Variants in NADK observed in about 807,000 individuals in gnomAD.
NADK encodes poly(P)/ATP NAD kinase.
NADK carries 22 observed loss-of-function variants against 49.8 expected under a neutral mutation model. The ratio of observed to expected loss-of-function variants is 0.44; its 90% CI spans 0.32 to 0.63. The LOEUF is 0.63. NADK is among the 30% of genes least tolerant of loss of function. The probability of loss-of-function intolerance (pLI) is 0.06; values close to 1 mark genes in which losing one functional copy is unlikely to be tolerated. For synonymous variants in NADK, 268 were observed against 253.7 expected, an observed-to-expected ratio of 1.06 and a Z score of -0.54; for missense variants, 438 against 609.4, an observed-to-expected ratio of 0.72 and a Z score of 2.96.
At position 1,754,598 on chromosome 1, in the gene NADK, G is replaced by C; in HGVS notation, c.789C>G (p.Gly263=). 1 of 1,613,864 alleles carries C rather than the reference G, an allele frequency of 6.2e-7. No homozygotes were observed. The highest frequency in any genetic ancestry group is 8.5e-7 in the Non-Finnish European group (1 of 1,179,920). The change falls in exon 8 of 12, where the codon GGC becomes GGG. Residue 263 remains glycine, a synonymous_variant. Transcript: ENST00000341426. This position sits in a 1 kb window ranked among gnomAD's most constrained non-coding sequence, Gnocchi z 4.3. The part of the protein sequence containing the change: ...TAVHNGLGEN[G]SQAAGLDMDV... Reference sequence around the variant, plus strand: ...CCATGTCCAGGCCTGCAGCCTGCGAGCCGTTCTCACCCAGCCCATTGTGCA... The same window carrying C: ...CCATGTCCAGGCCTGCAGCCTGCGACCCGTTCTCACCCAGCCCATTGTGCA...
intron 1 of NADK, among the ~76,000 whole-genome samples, chr1:1,777,161 G>A (rs973655581): frequency 6.6e-6 from 1 of 152,248 alleles, no homozygotes; most frequent in East Asian, 1.9e-4. Flanking sequence ...TACTGCGGTG[G>A]CACCTGTGAT....
At chr1:1,767,901 G>A (rs1478187512) in intron 1 of NADK, among the ~76,000 whole-genome samples, 16 of 152,108 alleles carry the variant, frequency 1.1e-4, no homozygotes, top group South Asian at 2.1e-4. Context: ...AAATGGGCGC[G>A]GTGGCACACA....
At chr1:1,779,478 A>G (rs1302481110), upstream of NADK, among the ~76,000 whole-genome samples, 1 of 152,120 alleles carries the variant, frequency 6.6e-6, no homozygotes, top group African/African-American at 2.4e-5. Context: ...CCCAGGTGCC[A>G]GACATTGTTT....
At position 1,752,911 on chromosome 1, in the gene NADK, T is replaced by TCCC. The variant is rs2100262269; in HGVS notation, c.1333_1334insGGG (p.Glu444_Glu445insGly). 9.2e-7 allele frequency: 1 copy of TCCC among 1,089,998 alleles called. No homozygotes were observed. Among genetic ancestry groups the TCCC allele is most frequent in the Non-Finnish European group, 1.3e-6 (1 of 797,662 alleles). The allele number at this position is 1,089,998 out of a possible 1,614,324, so 67.5% of individuals were successfully genotyped here. ...CCTGGATAGGGGCTTGACCTAGCCC[T>TCCC]CCTCCTCCTCCTCCTCCTCCTCCTC... On this transcript the variant is annotated inframe_insertion, in exon 12 of 12. Transcript: ENST00000341426.
intron 3 of NADK, among the ~76,000 whole-genome samples, chr1:1,761,165 G>A (rs565752100): frequency 1.3e-5 from 2 of 152,310 alleles, no homozygotes; most frequent in South Asian, 2.1e-4. Flanking sequence ...GCTAATTTTT[G>A]TACTTTTAGT....
At chr1:1,755,737 G>C (rs1255345556) in intron 6 of NADK, among the ~76,000 whole-genome samples, 2 of 152,198 alleles carry the variant, frequency 1.3e-5, no homozygotes, top group Admixed American at 1.3e-4. Context: ...GGAGGGCTGG[G>C]GGAGCTGGCG....
chr1:1,778,707 C>T (rs1309143188), upstream of NADK: 1 of 151,816 alleles, frequency 6.6e-6, no homozygotes, highest in African/African-American at 2.4e-5. This position sits in a 1 kb window ranked among gnomAD's most constrained non-coding sequence, Gnocchi z 4.9. Context: ...GGGGTCGGCG[C>T]CCCGAGGAGG....
At chr1:1,760,714 C>A (rs540986533) in intron 3 of NADK, among the ~76,000 whole-genome samples, 55 of 151,644 alleles carry the variant, frequency 3.6e-4, no homozygotes, top group Non-Finnish European at 6.3e-4. Context: ...AGGAAGAGAG[C>A]CCGTTCTGCA....
intron 1 of NADK, among the ~76,000 whole-genome samples, chr1:1,776,521 A>G (rs901864658): frequency 3.3e-5 from 5 of 152,196 alleles, no homozygotes; most frequent in Admixed American, 6.5e-5. Flanking sequence ...CACACCTGTA[A>G]TCCCAGCACT....
chr1:1,762,893 C>T (rs1031593973), intron 2 of NADK, among the ~76,000 whole-genome samples: 5 of 152,246 alleles, frequency 3.3e-5, no homozygotes, highest in Non-Finnish European at 5.9e-5. Flanking sequence ...CAGCCGCACG[C>T]GTCCTGGGGA....
upstream of NADK, chr1:1,779,963 C>G (rs41315680): frequency 0.021 from 3,125 of 152,376 alleles, 48 homozygotes; most frequent in Non-Finnish European, 0.033. Flanking sequence ...ACGGCCTGGC[C>G]AAGTCTTCCT....
At chr1:1,774,151 ATG>A (rs747946101) in intron 1 of NADK, among the ~76,000 whole-genome samples, 16 of 150,378 alleles carry the variant, frequency 1.1e-4, no homozygotes, top group Non-Finnish European at 1.3e-4. Flanking sequence ...TCACCTATGT[ATG>A]TGTGTGTGTG....
chr1:1,773,693 T>C lies in NADK; in HGVS notation c.-41+4596A>G, dbSNP rs891101510. ...GCTCTATTTTGTGTGTGTGTGTGTGTGTGTGTGTGTGTGTGTGTGTGTGTG... is the reference window on the plus strand; with the variant it reads ...GCTCTATTTTGTGTGTGTGTGTGTGCGTGTGTGTGTGTGTGTGTGTGTGTG... On this transcript the variant is annotated intron_variant, in intron 1 of 11. Transcript: ENST00000341426. Among the ~76,000 whole-genome samples, 551 of 91,502 alleles carry C rather than the reference T, an allele frequency of 6.0e-3. 13 individuals are homozygous for C. The highest frequency in any genetic ancestry group is 0.016 in the African/African-American group (514 of 31,388). 60.0% of individuals were successfully genotyped at this position (91,502 alleles called of 152,430 possible).
At position 1,752,127 on chromosome 1, in the gene NADK, A is replaced by T. The variant is rs1196442689; in HGVS notation, c.*777T>A. The T allele has an allele frequency of 1.3e-5, 2 of 152,128 alleles. No homozygotes were observed. The highest frequency in any genetic ancestry group is 2.9e-5 in the Non-Finnish European group (2 of 67,914). 9.4% of individuals were successfully genotyped at this position (152,128 alleles called of 1,614,324 possible). On this transcript the variant is annotated 3_prime_UTR_variant, in exon 12 of 12. Transcript: ENST00000341426. Reference sequence around the variant, plus strand: ...AAATGTAAACATTGAATGGCAGACGACTCCCTTCCCCTTGAAATCTTCACA... The same window carrying T: ...AAATGTAAACATTGAATGGCAGACGTCTCCCTTCCCCTTGAAATCTTCACA...
intron 10 of NADK, 138 bp downstream of exon 10, chr1:1,753,913 G>T: frequency 8.8e-7 from 1 of 1,134,916 alleles, no homozygotes; most frequent in Non-Finnish European, 1.2e-6. Flanking sequence ...ATCTGAGGGG[G>T]CACAGGATGG....
intron 11 of NADK, among the ~76,000 whole-genome samples, 164 bp downstream of exon 11, chr1:1,753,403 C>T (rs1432294324): frequency 1.3e-5 from 2 of 152,180 alleles, no homozygotes; most frequent in Non-Finnish European, 2.9e-5. Context: ...CCCGCTGCCC[C>T]CAGGACGGGT....
Position 1,752,230 on chromosome 1 carries a change from A to T in NADK, c.*674T>A, listed in dbSNP as rs1016128082. 1 of 152,692 alleles carries T rather than the reference A, an allele frequency of 6.5e-6. No individual in the cohort carries two copies. The highest frequency in any genetic ancestry group is 6.5e-5 in the Admixed American group (1 of 15,288). 9.5% of individuals were successfully genotyped at this position (152,692 alleles called of 1,614,324 possible). On this transcript the variant is annotated 3_prime_UTR_variant, in exon 12 of 12. Transcript: ENST00000341426. ...TCTCTAAAAAGTATATACAGGATTT[A>T]AACTACCTTCCTGGGAGCAGAAGCT...
chr1:1,756,507 T>A lies in NADK; in HGVS notation c.495A>T (p.Arg165=), dbSNP rs1018609444. 2 of 1,613,896 alleles carry A rather than the reference T, an allele frequency of 1.2e-6. No homozygotes were observed. The highest frequency in any genetic ancestry group is 3.3e-5 in the Admixed American group (2 of 60,002). ...GAVKKKFCTF[R]EDYDDISNQI... is the part of the protein sequence containing the mutation. Reference sequence around the variant, plus strand: ...ACAGAGCTGCTGACAGCCCACCTTCTCGAAAGGTACAGAATTTCTTCTTCA... The same window carrying A: ...ACAGAGCTGCTGACAGCCCACCTTCACGAAAGGTACAGAATTTCTTCTTCA... The change falls in exon 5 of 12, where the codon CGA becomes CGT. Residue 165 remains arginine (R), a synonymous_variant. Transcript: ENST00000341426.
chr1:1,753,665 G>C lies in NADK; in HGVS notation c.1102-16C>G. On this transcript the variant is annotated splice_polypyrimidine_tract_variant and intron_variant, in intron 10 of 11. Transcript: ENST00000341426. The stretch of plus-strand genomic sequence containing the variant: ...ACAGCATGATCTGAGGGTCAAGCAG[G>C]GAGAGGTGTGGGCCCCCAGCTGTGG... The C allele has an allele frequency of 6.3e-7, 1 of 1,591,386 alleles. No individual in the cohort carries two copies. The highest frequency in any genetic ancestry group is 8.6e-7 in the Non-Finnish European group (1 of 1,165,422).
Sources: gnomAD v4.1 joint callset for allele counts (sites outside exome capture counted in the v4.1 genomes callset) on GRCh38, gnomAD v4.1.1 for gene constraint, Gnocchi (gnomAD v3.1) non-coding constraint, MANE v1.5 for transcripts, NCBI Gene and HGNC (gene_info 2026-07-23, HGNC 2026-07-21) for gene names.